NME5: variants seen among roughly 807,000 people sequenced by gnomAD.
NME5 encodes nucleoside diphosphate kinase 5.
A neutral mutation model predicts 21.6 loss-of-function variants in NME5; 18 were observed. That is an observed-to-expected ratio of 0.83 (90% CI 0.58 to 1.24). NME5 has a LOEUF of 1.24. Among genes scored for constraint, NME5 ranks in the 50% most tolerant of loss-of-function variants. The pLI, the probability that NME5 is intolerant of heterozygous loss-of-function variation, is 0.00. For synonymous variants in NME5, 70 were observed against 80.6 expected (o/e 0.87, Z 0.71); for missense variants, 223 against 255.4 (o/e 0.87, Z 0.86).
At chr5:138,116,093 G>A (rs1189224810) in intron 5 of NME5, 2 of 174,792 alleles carry the variant, frequency 1.1e-5, no homozygotes, top group Admixed American at 6.1e-5. Flanking sequence ...CTATACATCA[G>A]CAATGACAGT....
chr5:138,134,543 C>A (rs1751646943), intron 2 of NME5, among the ~76,000 whole-genome samples: 1 of 151,960 alleles, frequency 6.6e-6, no homozygotes, highest in African/African-American at 2.4e-5. Flanking sequence ...CGCACCCAGC[C>A]CTAATTTTGG....
chr5:138,129,565 T>A (rs1180960576), intron 2 of NME5, 97 bp from the exon 3 acceptor site: 2 of 767,954 alleles, frequency 2.6e-6, no homozygotes, highest in East Asian at 2.6e-5. Context: ...CCAATCTGAT[T>A]ATAACTTCAA....
intron 2 of NME5, among the ~76,000 whole-genome samples, chr5:138,134,978 C>A (rs1201125745): frequency 6.6e-6 from 1 of 150,780 alleles, no homozygotes; most frequent in Non-Finnish European, 1.5e-5. Flanking sequence ...GCTGGGATTA[C>A]AGGCGTGAGC....
At chr5:138,120,859 T>C (rs1284101238) in intron 4 of NME5, among the ~76,000 whole-genome samples, 1 of 152,182 alleles carries the variant, frequency 6.6e-6, no homozygotes, top group Non-Finnish European at 1.5e-5. Flanking sequence ...AAACCCATCA[T>C]AAGTTGAAAG....
At chr5:138,118,493 AT>A (rs925234365) in intron 5 of NME5, among the ~76,000 whole-genome samples, 6 of 147,658 alleles carry the variant, frequency 4.1e-5, no homozygotes, top group Non-Finnish European at 4.5e-5. Context: ...AGAAAAAAAA[AT>A]TTTTTTTTTG....
At chr5:138,135,931 G>A (rs574804391) in intron 2 of NME5, among the ~76,000 whole-genome samples, 1 of 151,786 alleles carries the variant, frequency 6.6e-6, no homozygotes, top group South Asian at 2.1e-4. Flanking sequence ...ATGATTTTGT[G>A]TTTTTTTTGC....
intron 2 of NME5, among the ~76,000 whole-genome samples, chr5:138,135,343 T>C (rs1443600727): frequency 6.6e-6 from 1 of 150,530 alleles, no homozygotes; most frequent in Non-Finnish European, 1.5e-5. Flanking sequence ...AGGACTTTTT[T>C]TTCTTTTTCA....
intron 4 of NME5, among the ~76,000 whole-genome samples, chr5:138,120,230 C>G (rs113833897): frequency 1.1e-5 from 1 of 87,148 alleles, no homozygotes; most frequent in East Asian, 3.4e-4. Context: ...GCTCCCAGCT[C>G]TTTTTTTTTT....
intron 2 of NME5, among the ~76,000 whole-genome samples, chr5:138,136,468 C>G (rs1043949588): frequency 1.2e-4 from 19 of 152,050 alleles, no homozygotes; most frequent in African/African-American, 4.6e-4. Context: ...ATCTGTTCTG[C>G]CCATTTTTCT....
chr5:138,128,503 C>G lies in NME5; in HGVS notation c.412G>C (p.Glu138Gln). 6.2e-7 allele frequency: 1 copy of G among 1,613,104 alleles called. No individual in the cohort carries two copies. Residue 138 changes from glutamate to glutamine, a missense_variant, in exon 4 of 6, where the codon GAA becomes CAA. Physicochemically the swap from Glu to Gln is conservative, Grantham distance 29 (BLOSUM62 2). Transcript: ENST00000265191. ...CCTTCAGGAAACATAAAACGTATTT[C>G]TCTTTCCGCAGCAGCAAAGTCATTA... ...GSNDFAAAER[E>Q]IRFMFPEVIV...
intron 5 of NME5, among the ~76,000 whole-genome samples, chr5:138,117,204 C>CAAAAAAAAAAAAAAAAA: frequency 1.6e-5 from 1 of 63,574 alleles, no homozygotes. Flanking sequence ...GACCCTGTCT[C>CAAAAAAAAAAAAAAAAA]AAAAAAAAAA....
chr5:138,128,597 A>G lies in NME5; in HGVS notation c.336-18T>C, dbSNP rs1253111588. 6.4e-7 allele frequency: 1 copy of G among 1,556,120 alleles called. No homozygotes were observed. The highest frequency in any genetic ancestry group is 8.8e-7 in the Non-Finnish European group (1 of 1,134,042). On this transcript the variant is annotated intron_variant, in intron 3 of 5. Transcript: ENST00000265191. ...CCCTCAGACTAAAAACAAGTTAGAG[A>G]TGACGTCCATCCAATCTAACGTCTA...
chr5:138,130,588 A>G (rs1465111778), intron 2 of NME5, among the ~76,000 whole-genome samples: 1 of 152,198 alleles, frequency 6.6e-6, no homozygotes, highest in Admixed American at 6.5e-5. Context: ...CAGGGGTTCG[A>G]GAACAGTCTG....
Position 138,115,391 on chromosome 5 carries a change from A to G in NME5, c.*290T>C. On this transcript the variant is annotated 3_prime_UTR_variant, in exon 6 of 6. Transcript: ENST00000265191. ...TGTGCTTGGGAAAATGTATAACTAA[A>G]CTTTATGTCTTACTTCTCAAACTTA... The G allele has an allele frequency of 4.8e-6, 1 of 210,276 alleles. No homozygotes were observed. Among genetic ancestry groups the G allele is most frequent in the Admixed American group, 5.4e-5 (1 of 18,466 alleles). The allele number at this position is 210,276 out of a possible 1,614,324, so 13.0% of individuals were successfully genotyped here.
intron 2 of NME5, among the ~76,000 whole-genome samples, chr5:138,135,003 G>A (rs1036157166): frequency 4.1e-5 from 6 of 147,906 alleles, no homozygotes; most frequent in East Asian, 2.2e-4. Flanking sequence ...GCGCCCGGCC[G>A]TCACTAAATA....
Position 138,119,457 on chromosome 5 carries a change from C to G in NME5, c.437-521G>C, listed in dbSNP as rs573310130. On this transcript the variant is annotated intron_variant, in intron 4 of 5. Transcript: ENST00000265191. ...AGGTAATCCTCCTGTCTCGGCCTCCCAAAGTGCTAGGATTGCGGGCATGAG... is the reference window on the plus strand; with the variant it reads ...AGGTAATCCTCCTGTCTCGGCCTCCGAAAGTGCTAGGATTGCGGGCATGAG... Among the ~76,000 whole-genome samples, 12 of 152,156 alleles carry G rather than the reference C, an allele frequency of 7.9e-5. No homozygotes were observed. The South Asian group carries it at 2.5e-3, about 32-fold the overall frequency.
chr5:138,125,393 T>C (rs1260924449), intron 4 of NME5, among the ~76,000 whole-genome samples: 1 of 152,090 alleles, frequency 6.6e-6, no homozygotes, highest in Non-Finnish European at 1.5e-5. Context: ...GCCTGGGTAA[T>C]GTAGTGAGAC....
rs888599237 is a variant in NME5 at position 138,118,966 on chromosome 5, CA to C, written c.437-31del. 6 of 1,220,284 alleles carry C rather than the reference CA, an allele frequency of 4.9e-6. No individual in the cohort carries two copies. The African/African-American group carries it at 9.0e-5, about 18-fold the overall frequency. 75.6% of individuals were successfully genotyped at this position (1,220,284 alleles called of 1,614,324 possible). On this transcript the variant is annotated intron_variant, in intron 4 of 5. Transcript: ENST00000265191. ...AAATACAAATGTATTCTCATTGATG[CA>C]AACATAATGATTAAATACTATACAA...
rs181441164 is a variant in NME5 at position 138,134,028 on chromosome 5, T to C, written c.130-4560A>G. On this transcript the variant is annotated intron_variant, in intron 2 of 5. Transcript: ENST00000265191. The stretch of plus-strand genomic sequence containing the variant: ...CAATTAAAGCAAAAAATGAAGGATG[T>C]ACCATGGCTGCCTTTGCTCTGAAAG... 1.2e-4 allele frequency among the ~76,000 whole-genome samples: 19 copies of C among 152,356 alleles called. No homozygotes were observed. The East Asian group carries it at 3.7e-3, about 29-fold the overall frequency.
Sources: allele counts gnomAD v4.1 joint callset (sites outside exome capture counted in the v4.1 genomes callset), GRCh38; gene constraint gnomAD v4.1.1; transcripts MANE v1.5; gene names NCBI Gene and HGNC (gene_info 2026-07-23, HGNC 2026-07-21).